Variants in TDRP observed in about 807,000 individuals in gnomAD.
The protein encoded by TDRP is testis development related protein.
In TDRP, 12 loss-of-function variants were observed where a neutral mutation model predicts 10.5. The observed-to-expected ratio is 1.15, with a 90% CI of 0.73 to 1.86. The LOEUF (loss-of-function observed/expected upper bound fraction) is 1.86, where lower values mean the gene tolerates loss of function less well. TDRP is among the 40% of genes most tolerant of loss of function. The pLI is 0.00. For missense variants in TDRP, 353 were observed against 229.2 expected (o/e 1.54, Z -3.49); for synonymous variants, 139 against 95.4 (o/e 1.46, Z -2.67).
intron 1 of TDRP, among the ~76,000 whole-genome samples, chr8:522,253 T>C (rs1169050321): frequency 6.6e-6 from 1 of 152,206 alleles, no homozygotes; most frequent in Non-Finnish European, 1.5e-5. Context: ...AACCGTTATA[T>C]CTTCCTGGTG....
At chr8:544,859 G>A (rs1802596992), upstream of TDRP, 3 of 872,954 alleles carry the variant, frequency 3.4e-6, no homozygotes, top group Admixed American at 4.5e-5. Flanking sequence ...CGGGACGCGG[G>A]CCCAGTGGGC....
chr8:519,621 A>G (rs541933078), intron 1 of TDRP, among the ~76,000 whole-genome samples: 21 of 152,214 alleles, frequency 1.4e-4, no homozygotes, highest in Middle Eastern at 3.4e-3. Context: ...GCTTTCTCTA[A>G]GAGTTTGCTG....
At chr8:513,149 C>A (rs1056953539) in intron 1 of TDRP, among the ~76,000 whole-genome samples, 1 of 150,580 alleles carries the variant, frequency 6.6e-6, no homozygotes, top group Admixed American at 6.6e-5. Context: ...CATTTTCTAA[C>A]TCATTTTGTG....
chr8:520,488 A>G (rs1801874650), intron 1 of TDRP, among the ~76,000 whole-genome samples: 1 of 152,184 alleles, frequency 6.6e-6, no homozygotes, highest in Non-Finnish European at 1.5e-5. Flanking sequence ...GAAACATATA[A>G]TTCTATTTTT....
At chr8:538,670 T>C (rs1326753573) in intron 1 of TDRP, among the ~76,000 whole-genome samples, 1 of 152,220 alleles carries the variant, frequency 6.6e-6, no homozygotes, top group Non-Finnish European at 1.5e-5. Context: ...CAAATACAGT[T>C]ATCTTGACTA....
At chr8:537,697 GCCT>G (rs1802383807) in intron 1 of TDRP, among the ~76,000 whole-genome samples, 1 of 152,140 alleles carries the variant, frequency 6.6e-6, no homozygotes, top group South Asian at 2.1e-4. Context: ...TGCTAAATTA[GCCT>G]CCTATCAGTC....
chr8:533,529 T>C (rs1303804015), intron 1 of TDRP, among the ~76,000 whole-genome samples: 1 of 152,194 alleles, frequency 6.6e-6, no homozygotes, highest in African/African-American at 2.4e-5. Context: ...CAGGTTCTCA[T>C]TTCACAGCTG....
intron 1 of TDRP, among the ~76,000 whole-genome samples, chr8:516,292 G>A (rs547882257): frequency 4.1e-4 from 63 of 152,060 alleles, no homozygotes; most frequent in Non-Finnish European, 8.7e-4. Context: ...TCAGGAATGT[G>A]GAATACAAAT....
chr8:542,591 G>A lies in TDRP; in HGVS notation c.108+2059C>T, dbSNP rs57816081. On this transcript the variant is annotated intron_variant, in intron 1 of 2. Coordinates refer to ENST00000324079, the MANE Select transcript of TDRP (RefSeq NM_001384899.1). ...TAGATGTACAGATAACAGGCCAGGCGCGGTGGCTCACGCCTGTAATCCCAG... is the reference window on the plus strand; with the variant it reads ...TAGATGTACAGATAACAGGCCAGGCACGGTGGCTCACGCCTGTAATCCCAG... Among the ~76,000 whole-genome samples, 1,102 of 152,194 alleles carry A rather than the reference G, an allele frequency of 7.2e-3. 11 individuals carry two copies. Among genetic ancestry groups the A allele is most frequent in the African/African-American group, 0.025 (1,030 of 41,526 alleles).
At chr8:502,178 G>A (rs538458036) in intron 1 of TDRP, among the ~76,000 whole-genome samples, 1 of 152,364 alleles carries the variant, frequency 6.6e-6, no homozygotes, top group East Asian at 1.9e-4. Context: ...AAAAGGCACA[G>A]AACAGCTTAG....
intron 1 of TDRP, among the ~76,000 whole-genome samples, chr8:509,552 G>A (rs940408654): frequency 7.2e-5 from 11 of 152,240 alleles, no homozygotes; most frequent in African/African-American, 1.9e-4. Flanking sequence ...TGGCTGGAGC[G>A]GCTGGGAGAC....
chr8:545,731 G>C (rs894825432), upstream of TDRP: 2 of 152,138 alleles, frequency 1.3e-5, no homozygotes, highest in Non-Finnish European at 1.5e-5. Flanking sequence ...CCCAGCCCTG[G>C]TGGGCGGTGG....
At chr8:512,751 G>T (rs890652413) in intron 1 of TDRP, among the ~76,000 whole-genome samples, 5 of 152,168 alleles carry the variant, frequency 3.3e-5, no homozygotes, top group African/African-American at 1.2e-4. Context: ...AAGGTGGGCA[G>T]ATCACCTGAG....
At chr8:544,971 C>G, upstream of TDRP, 1 of 323,582 alleles carries the variant, frequency 3.1e-6, no homozygotes, top group East Asian at 4.6e-5. Flanking sequence ...CGCCCCCAAA[C>G]CATCCCCAGA....
chr8:524,058 G>A (rs917919117), intron 1 of TDRP, among the ~76,000 whole-genome samples: 12 of 152,204 alleles, frequency 7.9e-5, no homozygotes, highest in African/African-American at 2.7e-4. Flanking sequence ...GGCCACAAGA[G>A]TGCTTGTGTC....
chr8:542,716 A>T (rs1802531345), intron 1 of TDRP, among the ~76,000 whole-genome samples: 1 of 152,036 alleles, frequency 6.6e-6, no homozygotes, highest in Non-Finnish European at 1.5e-5. Context: ...ATACAAAATT[A>T]GCCAGGCGTG....
intron 1 of TDRP, among the ~76,000 whole-genome samples, chr8:510,331 T>A (rs542317534): frequency 6.6e-6 from 1 of 152,158 alleles, no homozygotes; most frequent in Admixed American, 6.5e-5. Flanking sequence ...AGGGGCCCAC[T>A]TCAAGTCACT....
intron 1 of TDRP, among the ~76,000 whole-genome samples, chr8:544,067 G>C (rs561120432): frequency 3.3e-5 from 5 of 152,128 alleles, no homozygotes; most frequent in Non-Finnish European, 5.9e-5. Flanking sequence ...CAGTACAAAG[G>C]ACTTCTGCCG....
intron 1 of TDRP, among the ~76,000 whole-genome samples, chr8:515,172 G>A (rs962822934): frequency 5.9e-5 from 9 of 152,278 alleles, no homozygotes; most frequent in African/African-American, 1.7e-4. Context: ...CACAGCCAGA[G>A]ATCCAAGTAC....
Sources: allele counts gnomAD v4.1 joint callset (sites outside exome capture counted in the v4.1 genomes callset), GRCh38; gene constraint gnomAD v4.1.1; transcripts MANE v1.5; gene names NCBI Gene and HGNC (gene_info 2026-07-23, HGNC 2026-07-21).